The following NUAK1 variants were observed in gnomAD, a reference collection of about 807,000 sequenced individuals.
The protein encoded by NUAK1 is NUAK family kinase 1, also known as NUAK family SNF1-like kinase 1.
Under a neutral mutation model 56.9 loss-of-function variants are expected in NUAK1, and 26 were observed. The ratio of observed to expected loss-of-function variants is 0.46; its 90% CI spans 0.33 to 0.63. NUAK1 has a LOEUF of 0.63. Among genes scored for constraint, NUAK1 ranks in the 30% least tolerant of loss-of-function variants. The probability of loss-of-function intolerance (pLI) is 0.02; values close to 1 mark genes in which losing one functional copy is unlikely to be tolerated. For synonymous variants in NUAK1, 337 were observed against 336.0 expected (o/e 1.00, Z -0.03); for missense variants, 727 against 876.1 (o/e 0.83, Z 2.15).
intron 4 of NUAK1, 111 bp from the exon 5 acceptor site, chr12:106,072,954 G>A: frequency 7.8e-7 from 1 of 1,281,836 alleles, no homozygotes; most frequent in Non-Finnish European, 1.1e-6. Context: ...ACCTGGGTGG[G>A]TCTGCTGGCT....
Position 106,095,004 on chromosome 12 carries a change from C to G in NUAK1, c.362-8119G>C, listed in dbSNP as rs544793711. ...ATCCCTGGGGAGCATTTCTAGAAAC[C>G]ATGCAGGGCCCTAAGGTGGAAACGG... On this transcript the variant is annotated intron_variant, in intron 2 of 6. Transcript: ENST00000261402. Among the ~76,000 whole-genome samples the G allele has an allele frequency of 7.1e-4, 108 of 152,246 alleles. 1 individual carries two copies. Among genetic ancestry groups the G allele is most frequent in the African/African-American group, 2.5e-3 (102 of 41,558 alleles).
At chr12:106,069,942 G>C (rs2032387530) in intron 6 of NUAK1, among the ~76,000 whole-genome samples, 1 of 152,136 alleles carries the variant, frequency 6.6e-6, no homozygotes, top group African/African-American at 2.4e-5. Context: ...GCTCATGACC[G>C]TGGTTGTCTT....
At chr12:106,099,063 G>C (rs964673620) in intron 2 of NUAK1, among the ~76,000 whole-genome samples, 1 of 152,144 alleles carries the variant, frequency 6.6e-6, no homozygotes, top group Non-Finnish European at 1.5e-5. Flanking sequence ...ACTGAAAAGT[G>C]TACGTCTATC....
chr12:106,090,065 G>A lies in NUAK1; in HGVS notation c.362-3180C>T, dbSNP rs149798596. The stretch of plus-strand genomic sequence containing the variant: ...TCCTTAACTCAGAGTTCTGCCAGTT[G>A]ATTGGGCCATTTCAATCCTCCTATT... On this transcript the variant is annotated intron_variant, in intron 2 of 6. Transcript: ENST00000261402. 1.8e-4 allele frequency among the ~76,000 whole-genome samples: 28 copies of A among 152,280 alleles called. 1 individual carries two copies. In the East Asian group the frequency reaches 5.4e-3, roughly 29 times the overall value.
chr12:106,073,875 G>C (rs1406080462), intron 4 of NUAK1, among the ~76,000 whole-genome samples: 3 of 151,886 alleles, frequency 2.0e-5, no homozygotes, highest in Non-Finnish European at 4.4e-5. Context: ...CTTCAAGTTT[G>C]ATGCAAATGT....
At chr12:106,084,206 G>C (rs1240822186) in intron 3 of NUAK1, among the ~76,000 whole-genome samples, 1 of 152,162 alleles carries the variant, frequency 6.6e-6, no homozygotes, top group African/African-American at 2.4e-5. Context: ...AAAACAGCAG[G>C]GGGATTCTTT....
intron 4 of NUAK1, among the ~76,000 whole-genome samples, chr12:106,073,592 C>G (rs750137803): frequency 1.3e-5 from 2 of 152,012 alleles, no homozygotes; most frequent in Admixed American, 6.6e-5. Context: ...CTTGGCCAGG[C>G]GGATCACTTG....
At chr12:106,104,933 C>T (rs929690781) in intron 2 of NUAK1, among the ~76,000 whole-genome samples, 4 of 150,966 alleles carry the variant, frequency 2.6e-5, no homozygotes, top group South Asian at 2.1e-4. Flanking sequence ...AATCTGACCA[C>T]GAATTAAAAA....
intron 4 of NUAK1, among the ~76,000 whole-genome samples, chr12:106,081,223 G>C (rs2032514925): frequency 6.6e-6 from 1 of 151,794 alleles, no homozygotes; most frequent in African/African-American, 2.4e-5. Flanking sequence ...AGTCCAGACT[G>C]ATTCACTGTG....
chr12:106,107,295 G>A (rs1411449369), intron 1 of NUAK1, among the ~76,000 whole-genome samples: 3 of 151,918 alleles, frequency 2.0e-5, no homozygotes, highest in African/African-American at 7.3e-5. Flanking sequence ...CCGAGAAAAA[G>A]GCAATGAATG....
At chr12:106,091,633 G>C (rs1215961385) in intron 2 of NUAK1, among the ~76,000 whole-genome samples, 10 of 152,152 alleles carry the variant, frequency 6.6e-5, no homozygotes, top group Admixed American at 6.5e-5. Context: ...GGAGCTGCAG[G>C]TGAGTCACAC....
At chr12:106,118,918 AT>A (rs2032946979) in intron 1 of NUAK1, among the ~76,000 whole-genome samples, 1 of 152,238 alleles carries the variant, frequency 6.6e-6, no homozygotes, top group Non-Finnish European at 1.5e-5. Flanking sequence ...CCTTCCCAAG[AT>A]TTATGCTCCT....
At chr12:106,110,351 C>T (rs979015059) in intron 1 of NUAK1, among the ~76,000 whole-genome samples, 5 of 152,086 alleles carry the variant, frequency 3.3e-5, no homozygotes, top group African/African-American at 7.2e-5. Flanking sequence ...AGGGAGCCAG[C>T]GCGACTGCTC....
rs2032542525 is a variant in NUAK1, at chr12:106,083,741, C to T, written c.579+123G>A. ...GGAGCTCAAGCAAAGAGACTCTTCC[C>T]CACCAGCCTGCCAGGTAGGAAGTGG... On this transcript the variant is annotated intron_variant, in intron 4 of 6. Coordinates refer to ENST00000261402, the MANE Select transcript of NUAK1 (RefSeq NM_014840.3). The T allele has an allele frequency of 1.7e-5, 13 of 782,324 alleles. No homozygotes were observed. The South Asian group carries it at 1.7e-4, about 10-fold the overall frequency. 48.5% of individuals were successfully genotyped at this position (782,324 alleles called of 1,614,324 possible).
intron 4 of NUAK1, among the ~76,000 whole-genome samples, chr12:106,076,885 C>T (rs932147183): frequency 2.0e-5 from 3 of 152,102 alleles, no homozygotes; most frequent in Non-Finnish European, 2.9e-5. Context: ...GTGGGGACAG[C>T]GTTTCAGCTG....
At chr12:106,133,239 C>T (rs1239969683) in intron 1 of NUAK1, among the ~76,000 whole-genome samples, 1 of 152,120 alleles carries the variant, frequency 6.6e-6, no homozygotes, top group Non-Finnish European at 1.5e-5. Flanking sequence ...GAATGCCCCA[C>T]ATTCCAATCC....
intron 1 of NUAK1, among the ~76,000 whole-genome samples, chr12:106,117,199 C>T (rs1335495171): frequency 6.6e-6 from 1 of 152,214 alleles, no homozygotes; most frequent in Admixed American, 6.5e-5. Context: ...TGCCAACAGG[C>T]AGGCACACAA....
intron 5 of NUAK1, 40 bp downstream of exon 5, chr12:106,072,684 T>C: frequency 6.4e-7 from 1 of 1,572,226 alleles, no homozygotes; most frequent in Non-Finnish European, 8.7e-7. Flanking sequence ...CTCTTCTCCC[T>C]CCCCTCCCCT....
At chr12:106,128,123 CTT>C (rs1394884305) in intron 1 of NUAK1, among the ~76,000 whole-genome samples, 14 of 140,670 alleles carry the variant, frequency 1.0e-4, no homozygotes, top group African/African-American at 3.7e-4. Context: ...CAAATTCTCT[CTT>C]TTCTTTTTCT....
Sources: gnomAD v4.1 joint callset for allele counts (sites outside exome capture counted in the v4.1 genomes callset) on GRCh38, gnomAD v4.1.1 for gene constraint, MANE v1.5 for transcripts, NCBI Gene and HGNC (gene_info 2026-07-23, HGNC 2026-07-21) for gene names.